CALN1: variants seen among roughly 807,000 people sequenced by gnomAD.
CALN1 encodes the protein calcium-binding protein 8.
CALN1 carries 17 observed loss-of-function variants against 30.6 expected under a neutral mutation model. The ratio of observed to expected loss-of-function variants is 0.56; its 90% confidence interval spans 0.38 to 0.83. The LOEUF is 0.83. CALN1 is among the 40% of genes least tolerant of loss of function. The pLI, the probability that CALN1 is intolerant of heterozygous loss-of-function variation, is 0.00. For synonymous variants in CALN1, 156 were observed against 131.4 expected, an observed-to-expected ratio of 1.19 and a Z score of -1.28; for missense variants, 291 against 354.9, an observed-to-expected ratio of 0.82 and a Z score of 1.45.
At chr7:72,046,116 CAG>C (rs1802454192) in intron 4 of CALN1, among the ~76,000 whole-genome samples, 1 of 151,798 alleles carries the variant, frequency 6.6e-6, no homozygotes, top group African/African-American at 2.4e-5. Flanking sequence ...AGTTTGAGAC[CAG>C]CCTGGGCAAC....
intron 4 of CALN1, among the ~76,000 whole-genome samples, chr7:72,077,094 G>T (rs906320276): frequency 1.3e-5 from 2 of 151,952 alleles, no homozygotes; most frequent in African/African-American, 4.8e-5. Flanking sequence ...AGTAGTAGTG[G>T]CATTGGTGGG....
chr7:72,294,444 A>G (rs2129555158), intron 2 of CALN1, among the ~76,000 whole-genome samples: 1 of 152,230 alleles, frequency 6.6e-6, no homozygotes, highest in African/African-American at 2.4e-5. Flanking sequence ...TAAAGTAAAA[A>G]TAATTTAAAT....
chr7:71,991,400 G>A lies in CALN1; in HGVS notation c.501+32257C>T, dbSNP rs558793274. Among the ~76,000 whole-genome samples the A allele has an allele frequency of 2.5e-4, 38 of 151,730 alleles. No homozygotes were observed. The South Asian group carries it at 6.2e-3, about 25-fold the overall frequency. On this transcript the variant is annotated intron_variant, in intron 5 of 6. Transcript: ENST00000395275. The stretch of plus-strand genomic sequence containing the variant: ...CTTGAACCCAGGAGGCAGAGCTTTC[G>A]ATGAGCTAAGATCATGCTACTGCAC...
intron 3 of CALN1, among the ~76,000 whole-genome samples, chr7:72,114,517 G>T (rs905617227): frequency 2.6e-5 from 4 of 151,836 alleles, no homozygotes; most frequent in African/African-American, 9.7e-5. Context: ...TGGAAAATGG[G>T]GATAAAATGA....
In CALN1 at chr7:71,783,197, C is replaced by G. The variant is rs891702546; in HGVS notation, c.*4578G>C. ...CACTGAAGAGGCCAATGAGAATGTTCTGATTTGAGGTCTTTTAAGACAGAT... is the reference window on the plus strand; with the variant it reads ...CACTGAAGAGGCCAATGAGAATGTTGTGATTTGAGGTCTTTTAAGACAGAT... On this transcript the variant is annotated 3_prime_UTR_variant, in exon 7 of 7. Transcript: ENST00000395275. 6.6e-6 allele frequency: 1 copy of G among 152,036 alleles called. No individual in the cohort carries two copies. The highest frequency in any genetic ancestry group is 1.5e-5 in the Non-Finnish European group (1 of 68,032). 9.4% of individuals were successfully genotyped at this position (152,036 alleles called of 1,614,324 possible). A position where few individuals can be genotyped will look rare whatever the true frequency, so the allele number is the denominator to read the frequency against.
rs1305576740 is a variant in CALN1 at position 72,271,564 on chromosome 7, T to TAAAAAAAAAAAAAA, written c.244+7121_244+7122insTTTTTTTTTTTTTT. ...AGCATGAACCACTGTGCCTGCCTTT[T>TAAAAAAAAAAAAAA]AAAAAAAAAAAATATATATATATAT... On this transcript the variant is annotated intron_variant, in intron 3 of 6. Transcript: ENST00000395275. Among the ~76,000 whole-genome samples, 25 of 64,588 alleles carry TAAAAAAAAAAAAAA rather than the reference T, an allele frequency of 3.9e-4. 4 individuals are homozygous for TAAAAAAAAAAAAAA. Among genetic ancestry groups the TAAAAAAAAAAAAAA allele is most frequent in the African/African-American group, 2.4e-3 (22 of 9,092 alleles). 42.4% of individuals were successfully genotyped at this position (64,588 alleles called of 152,430 possible).
chr7:72,108,764 T>G (rs1372786476), intron 3 of CALN1, among the ~76,000 whole-genome samples: 2 of 141,872 alleles, frequency 1.4e-5, no homozygotes, highest in Non-Finnish European at 3.0e-5. Context: ...GACACAGACA[T>G]AGCCCAAGTC....
chr7:72,210,429 G>A (rs1792309333), intron 3 of CALN1, among the ~76,000 whole-genome samples: 1 of 152,156 alleles, frequency 6.6e-6, no homozygotes, highest in Non-Finnish European at 1.5e-5. Context: ...CACTTTGGGA[G>A]GCTGCATTGT....
At chr7:71,950,089 T>C (rs1166020696) in intron 5 of CALN1, among the ~76,000 whole-genome samples, 1 of 152,080 alleles carries the variant, frequency 6.6e-6, no homozygotes, top group Non-Finnish European at 1.5e-5. Flanking sequence ...ATCTCTGCTT[T>C]TGTTGCTTCA....
chr7:72,235,818 G>A (rs6970314), intron 3 of CALN1, among the ~76,000 whole-genome samples: 82,818 of 151,642 alleles, frequency 0.55, 22,826 homozygotes, highest in South Asian at 0.65. Flanking sequence ...TGTCCCTTTG[G>A]TTCTTGCCCA....
intron 3 of CALN1, among the ~76,000 whole-genome samples, chr7:72,260,780 T>C (rs1478942980): frequency 6.6e-6 from 1 of 151,980 alleles, no homozygotes; most frequent in African/African-American, 2.4e-5. Context: ...CTTTTCCCAC[T>C]TCCCCCCACC....
At chr7:72,153,883 G>GT (rs1787454723) in intron 3 of CALN1, among the ~76,000 whole-genome samples, 1 of 152,110 alleles carries the variant, frequency 6.6e-6, no homozygotes, top group Admixed American at 6.6e-5. Context: ...GGCTTTGGTG[G>GT]TTAGAATGAT....
intron 5 of CALN1, among the ~76,000 whole-genome samples, chr7:71,925,652 GT>G (rs1453593568): frequency 6.6e-6 from 1 of 151,916 alleles, no homozygotes; most frequent in African/African-American, 2.4e-5. Flanking sequence ...GTTTGCATCA[GT>G]TATCCATTTA....
intron 2 of CALN1, among the ~76,000 whole-genome samples, chr7:72,322,903 A>G (rs2129557391): frequency 6.6e-6 from 1 of 152,060 alleles, no homozygotes; most frequent in Non-Finnish European, 1.5e-5. Flanking sequence ...CTGTATCAAA[A>G]TATCTCATGT....
chr7:72,299,195 T>C (rs1799077249), intron 2 of CALN1, among the ~76,000 whole-genome samples: 1 of 152,104 alleles, frequency 6.6e-6, no homozygotes, highest in Non-Finnish European at 1.5e-5. Context: ...TAAAGTATAA[T>C]TTCCTCCTTT....
intron 2 of CALN1, among the ~76,000 whole-genome samples, chr7:72,354,899 T>C (rs1024327343): frequency 6.2e-5 from 9 of 144,076 alleles, no homozygotes; most frequent in Admixed American, 4.1e-4. Context: ...CTTTTTTTTT[T>C]TCTTTTCTTT....
chr7:72,184,725 A>G lies in CALN1; in HGVS notation c.245-78431T>C, dbSNP rs113418570. On this transcript the variant is annotated intron_variant, in intron 3 of 6. Coordinates refer to ENST00000395275, the MANE Select transcript of CALN1 (RefSeq NM_031468.4). ...TATTTCAGAGCTCCAAAGGGGCCTC[A>G]GGAATTACCTGAGTATTCTGCAGGT... is the stretch of plus-strand genomic sequence containing the variant. 7.0e-3 allele frequency among the ~76,000 whole-genome samples: 1,072 copies of G among 152,310 alleles called. 15 individuals are homozygous for G. The highest frequency in any genetic ancestry group is 0.024 in the African/African-American group (1,018 of 41,562).
At chr7:71,788,167 A>G (rs1322911341) in intron 6 of CALN1, among the ~76,000 whole-genome samples, 5 of 152,222 alleles carry the variant, frequency 3.3e-5, no homozygotes, top group African/African-American at 1.2e-4. Flanking sequence ...TGATCAGAGT[A>G]AGGCCTAAAT....
At chr7:71,930,185 A>G (rs1333196331) in intron 5 of CALN1, among the ~76,000 whole-genome samples, 1 of 152,210 alleles carries the variant, frequency 6.6e-6, no homozygotes, top group Non-Finnish European at 1.5e-5. Context: ...ACCTATAGTT[A>G]TTTGAATCCA....
Sources: gnomAD v4.1 joint callset for allele counts (sites outside exome capture counted in the v4.1 genomes callset) on GRCh38, gnomAD v4.1.1 for gene constraint, MANE v1.5 for transcripts, NCBI Gene and HGNC (gene_info 2026-07-23, HGNC 2026-07-21) for gene names.